UBR1: variants seen among roughly 807,000 people sequenced by gnomAD.
The protein encoded by UBR1 is ubiquitin protein ligase E3 component n-recognin 1, also known as E3 ubiquitin-protein ligase UBR1.
UBR1 carries 102 observed loss-of-function variants against 242.1 expected under a neutral mutation model. The ratio of observed to expected loss-of-function variants is 0.42; its 90% confidence interval spans 0.36 to 0.50. The LOEUF (loss-of-function observed/expected upper bound fraction) is 0.50. Among genes scored for constraint, UBR1 ranks in the 20% least tolerant of loss-of-function variants. The pLI is 0.01. For synonymous variants in UBR1, 675 were observed against 684.8 expected, an observed-to-expected ratio of 0.99 and a Z score of 0.22; for missense variants, 1,772 against 2,101.8, an observed-to-expected ratio of 0.84 and a Z score of 3.07.
intron 32 of UBR1, among the ~76,000 whole-genome samples, chr15:43,001,896 C>T (rs34714662): frequency 0.16 from 23,782 of 152,098 alleles, 2,532 homozygotes; most frequent in Non-Finnish European, 0.23. Flanking sequence ...ATCATTAGAG[C>T]TATCAGACTC....
At chr15:42,981,321 C>T (rs942861038) in intron 37 of UBR1, among the ~76,000 whole-genome samples, 3 of 152,174 alleles carry the variant, frequency 2.0e-5, no homozygotes, top group Non-Finnish European at 2.9e-5. Context: ...ACATCACGCA[C>T]TTTCCTACCT....
intron 42 of UBR1, among the ~76,000 whole-genome samples, chr15:42,963,282 A>G (rs1292215526): frequency 1.3e-5 from 2 of 152,142 alleles, no homozygotes; most frequent in Non-Finnish European, 2.9e-5. Context: ...TAAAAAAAAG[A>G]CAATTAAAGA....
chr15:43,016,601 G>A (rs956554979), intron 28 of UBR1, among the ~76,000 whole-genome samples: 7 of 152,102 alleles, frequency 4.6e-5, no homozygotes, highest in Non-Finnish European at 8.8e-5. Flanking sequence ...TTTTGGGATG[G>A]AATCTTGCTC....
chr15:43,057,927 G>A (rs1015413215), intron 10 of UBR1, among the ~76,000 whole-genome samples: 8 of 121,036 alleles, frequency 6.6e-5, no homozygotes, highest in Admixed American at 5.1e-4. Context: ...TTTTTTTTTT[G>A]AGATGGGAGT....
intron 4 of UBR1, among the ~76,000 whole-genome samples, chr15:43,074,302 T>C (rs911926246): frequency 3.9e-5 from 6 of 152,342 alleles, no homozygotes; most frequent in African/African-American, 9.6e-5. Context: ...ATCTATGTAA[T>C]CTAATTGACA....
At position 42,949,440 on chromosome 15, in the gene UBR1, T is replaced by C. The variant is rs944506099; in HGVS notation, c.5108+822A>G. ...AACTTAAAGTATAATAATAATAAAA[T>C]AAAATAAAAAAAAAATTATGTGCTA... is the stretch of plus-strand genomic sequence containing the variant. On this transcript the variant is annotated intron_variant, in intron 46 of 46. Transcript: ENST00000290650. 9.3e-5 allele frequency among the ~76,000 whole-genome samples: 9 copies of C among 96,546 alleles called. No homozygotes were observed. The East Asian group carries it at 1.3e-3, about 14-fold the overall frequency. 63.3% of individuals were successfully genotyped at this position (96,546 alleles called of 152,430 possible). A position where few individuals can be genotyped will look rare whatever the true frequency, so the allele number is the denominator to read the frequency against.
chr15:43,041,360 G>GC, intron 15 of UBR1, among the ~76,000 whole-genome samples: 1 of 152,096 alleles, frequency 6.6e-6, no homozygotes, highest in East Asian at 1.9e-4. Context: ...ACCAAACACT[G>GC]CATGTTCTCA....
intron 27 of UBR1, among the ~76,000 whole-genome samples, chr15:43,018,419 TC>T (rs1305864507): frequency 6.6e-6 from 1 of 152,200 alleles, no homozygotes; most frequent in Non-Finnish European, 1.5e-5. Flanking sequence ...CGACAGAGTT[TC>T]AGTCTGTCGT....
At chr15:42,975,084 C>T (rs1346075687) in intron 39 of UBR1, among the ~76,000 whole-genome samples, 7 of 151,994 alleles carry the variant, frequency 4.6e-5, no homozygotes, top group African/African-American at 9.7e-5. Context: ...TTAGTAGAGA[C>T]GGGGTTTCAC....
intron 17 of UBR1, among the ~76,000 whole-genome samples, 162 bp downstream of exon 17, chr15:43,037,611 G>A (rs2033353801): frequency 6.6e-6 from 1 of 152,144 alleles, no homozygotes; most frequent in African/African-American, 2.4e-5. Context: ...CAGGATAGGA[G>A]AAATGTCTAT....
intron 3 of UBR1, among the ~76,000 whole-genome samples, chr15:43,076,373 C>A (rs8027452): frequency 1.3e-5 from 2 of 150,912 alleles, no homozygotes; most frequent in South Asian, 2.1e-4. Flanking sequence ...CCCAAAGTGC[C>A]GAGATTGCAG....
intron 6 of UBR1, among the ~76,000 whole-genome samples, chr15:43,064,959 T>C (rs538378907): frequency 6.6e-6 from 1 of 152,238 alleles, no homozygotes; most frequent in Non-Finnish European, 1.5e-5. Flanking sequence ...TTAAAGATTG[T>C]CTTTTAAGGT....
At chr15:43,029,389 T>A (rs2033224418) in intron 21 of UBR1, among the ~76,000 whole-genome samples, 1 of 152,120 alleles carries the variant, frequency 6.6e-6, no homozygotes, top group Non-Finnish European at 1.5e-5. Flanking sequence ...TGTGCTCTGG[T>A]GAAACTAAGG....
intron 11 of UBR1, 137 bp downstream of exon 11, chr15:43,056,207 G>A (rs1353052147): frequency 1.4e-6 from 1 of 704,122 alleles, no homozygotes; most frequent in Non-Finnish European, 2.5e-6. Context: ...ACTAGTCCTT[G>A]GGTAGCACTA....
intron 40 of UBR1, among the ~76,000 whole-genome samples, chr15:42,967,224 T>C (rs990434356): frequency 1.4e-5 from 2 of 148,000 alleles, no homozygotes; most frequent in African/African-American, 4.9e-5. Flanking sequence ...AACTAGTTTT[T>C]TTTTTTTTTT....
Position 43,069,415 on chromosome 15 carries a change from C to T in UBR1, c.660-1379G>A, listed in dbSNP as rs1483798518. Among the ~76,000 whole-genome samples, 4 of 152,008 alleles carry T rather than the reference C, an allele frequency of 2.6e-5. No individual in the cohort carries two copies. The South Asian group carries it at 8.3e-4, about 32-fold the overall frequency. On this transcript the variant is annotated intron_variant, in intron 5 of 46. Transcript: ENST00000290650. ...CCTCAGCCTACCAAGCAGCTGGGAC[C>T]ACGGGGGCCCGCCATGATGCCCAGC...
At chr15:42,955,657 C>T (rs1012604631) in intron 44 of UBR1, among the ~76,000 whole-genome samples, 2 of 152,136 alleles carry the variant, frequency 1.3e-5, no homozygotes, top group Middle Eastern at 3.2e-3. Flanking sequence ...ATTTTCAAGA[C>T]ATAATGCATT....
chr15:42,957,842 G>C (rs1303607531), intron 44 of UBR1, among the ~76,000 whole-genome samples, 171 bp downstream of exon 44: 2 of 152,060 alleles, frequency 1.3e-5, no homozygotes, highest in South Asian at 2.1e-4. Context: ...ACTCCAGCCT[G>C]GGCAACAGAG....
In UBR1 at chr15:42,958,028, T is replaced by C; in HGVS notation, c.4820A>G (p.Gln1607Arg). 1 of 1,613,148 alleles carries C rather than the reference T, an allele frequency of 6.2e-7. No individual in the cohort carries two copies. The highest frequency in any genetic ancestry group is 8.5e-7 in the Non-Finnish European group (1 of 1,179,490). ...CTCTCCTTACCTGAAATGAGAAGCT[T>C]GATTCAGGAGGCAGCTATAGTCATC... Reference protein sequence around the residue: ...LPDDYSCLLNQASHFRCPRSA... With the variant: ...LPDDYSCLLNRASHFRCPRSA... Residue 1607 changes from glutamine (Q) to arginine (R), a missense_variant, in exon 44 of 47, where the codon CAA (glutamine) becomes CGA (arginine). By Grantham distance (43) the Gln-to-Arg change is conservative (BLOSUM62 1). This residue lies in a region of UBR1 where 965 missense variants were observed against 1,079.7 expected (regional missense o/e 0.89). Transcript: ENST00000290650.
Sources: allele counts gnomAD v4.1 joint callset (sites outside exome capture counted in the v4.1 genomes callset), GRCh38; gene constraint gnomAD v4.1.1; regional missense constraint gnomAD v4.1.1; transcripts MANE v1.5; gene names NCBI Gene and HGNC (gene_info 2026-07-23, HGNC 2026-07-21).